Variants in HDAC9 observed in about 807,000 individuals in gnomAD.
HDAC9 encodes the protein histone deacetylase 9, also known as MEF-2 interacting transcription repressor (MITR) protein.
In HDAC9, 41 loss-of-function variants were observed where a neutral mutation model predicts 139.4. The ratio of observed to expected loss-of-function variants is 0.29; its 90% CI spans 0.23 to 0.38. The LOEUF (loss-of-function observed/expected upper bound fraction) is 0.38. Ranked by LOEUF, HDAC9 falls within the 10% of genes least tolerant of loss-of-function variation. The pLI is 1.00. For missense variants in HDAC9, 1,147 were observed against 1,297.0 expected, an observed-to-expected ratio of 0.88 and a Z score of 1.78; for synonymous variants, 517 against 476.2, an observed-to-expected ratio of 1.09 and a Z score of -1.12.
At chr7:18,741,057 C>T (rs1450526563) in intron 13 of HDAC9, among the ~76,000 whole-genome samples, 6 of 152,204 alleles carry the variant, frequency 3.9e-5, no homozygotes, top group Non-Finnish European at 5.9e-5. Flanking sequence ...GGAAAGAAGC[C>T]GTCTCTGTAA....
intron 1 of HDAC9, among the ~76,000 whole-genome samples, chr7:18,413,248 C>G (rs1370324437): frequency 6.6e-6 from 1 of 151,992 alleles, no homozygotes; most frequent in African/African-American, 2.4e-5. Flanking sequence ...AGAAGGAAGC[C>G]CAGACGTCTC....
intron 1 of HDAC9, among the ~76,000 whole-genome samples, chr7:18,462,353 C>T (rs139575005): frequency 1.8e-3 from 278 of 152,016 alleles, no homozygotes; most frequent in Non-Finnish European, 3.2e-3. Flanking sequence ...CATTATTACT[C>T]GATTATTTTT....
intron 1 of HDAC9, among the ~76,000 whole-genome samples, chr7:18,322,853 A>G (rs1800131903): frequency 6.6e-6 from 1 of 152,160 alleles, no homozygotes; most frequent in Non-Finnish European, 1.5e-5. Context: ...AATACCTCCA[A>G]TAAGCATATG....
intron 12 of HDAC9, among the ~76,000 whole-genome samples, chr7:18,714,968 A>G (rs985500005): frequency 2.0e-5 from 3 of 152,244 alleles, no homozygotes; most frequent in African/African-American, 7.2e-5. Flanking sequence ...GTTTTAAATT[A>G]TCAATGCCTT....
intron 2 of HDAC9, among the ~76,000 whole-genome samples, chr7:18,260,207 CT>C (rs762672427): frequency 2.6e-5 from 4 of 151,678 alleles, no homozygotes; most frequent in Non-Finnish European, 5.9e-5. Flanking sequence ...CAAAGCCTTG[CT>C]AGTCAAAGAT....
At chr7:18,134,254 T>C (rs1228522467) in intron 1 of HDAC9, among the ~76,000 whole-genome samples, 1 of 152,160 alleles carries the variant, frequency 6.6e-6, no homozygotes, top group African/African-American at 2.4e-5. Context: ...TAATGCCAAG[T>C]ATATACCTGC....
chr7:18,521,098 C>CT (rs542623843), intron 2 of HDAC9, among the ~76,000 whole-genome samples: 1 of 152,078 alleles, frequency 6.6e-6, no homozygotes, highest in Admixed American at 6.5e-5. Flanking sequence ...GAAAACCTTT[C>CT]TTTTTTGGCC....
At chr7:18,271,626 C>T (rs575371336) in intron 2 of HDAC9, among the ~76,000 whole-genome samples, 1 of 152,128 alleles carries the variant, frequency 6.6e-6, no homozygotes, top group East Asian at 1.9e-4. Flanking sequence ...TTTTTTCACC[C>T]GAATTCCTAC....
At chr7:18,974,064 T>A (rs1411052229) in intron 24 of HDAC9, among the ~76,000 whole-genome samples, 4 of 152,192 alleles carry the variant, frequency 2.6e-5, no homozygotes, top group African/African-American at 9.7e-5. Context: ...CACTCCAGAC[T>A]CTTCCTATGT....
intron 2 of HDAC9, among the ~76,000 whole-genome samples, chr7:18,177,037 A>C (rs1318556000): frequency 6.6e-6 from 1 of 152,212 alleles, no homozygotes; most frequent in Non-Finnish European, 1.5e-5. Context: ...AAGTATGTCA[A>C]AGTAGACATT....
At chr7:18,684,723 A>G (rs551947825) in intron 12 of HDAC9, among the ~76,000 whole-genome samples, 1 of 152,076 alleles carries the variant, frequency 6.6e-6, no homozygotes, top group East Asian at 1.9e-4. Context: ...CTACCCCAAG[A>G]GACAGTTGGT....
chr7:18,885,142 G>A (rs1800040273), intron 22 of HDAC9, among the ~76,000 whole-genome samples: 1 of 152,198 alleles, frequency 6.6e-6, no homozygotes, highest in African/African-American at 2.4e-5. Flanking sequence ...GGACTGCGGA[G>A]GGCAATGTGG....
chr7:18,337,795 C>G (rs895388636), intron 1 of HDAC9, among the ~76,000 whole-genome samples: 1 of 151,726 alleles, frequency 6.6e-6, no homozygotes, highest in African/African-American at 2.4e-5. Flanking sequence ...TTTTTAAAAC[C>G]AGCTATCTTT....
chr7:18,600,611 C>G (rs1214599645), intron 6 of HDAC9, among the ~76,000 whole-genome samples: 1 of 152,144 alleles, frequency 6.6e-6, no homozygotes, highest in African/African-American at 2.4e-5. Flanking sequence ...TTTCTGGGCT[C>G]TCTATTCTAC....
chr7:18,170,048 A>G (rs1406974220), intron 2 of HDAC9, among the ~76,000 whole-genome samples: 3 of 152,216 alleles, frequency 2.0e-5, no homozygotes, highest in African/African-American at 4.8e-5. Context: ...GTCTTCCACA[A>G]TGGTTGAACT....
intron 1 of HDAC9, among the ~76,000 whole-genome samples, chr7:18,397,385 T>C (rs959321522): frequency 3.3e-5 from 5 of 152,132 alleles, no homozygotes; most frequent in South Asian, 4.1e-4. Flanking sequence ...GAAAAACATG[T>C]CACAAAATCT....
intron 22 of HDAC9, among the ~76,000 whole-genome samples, chr7:18,875,260 G>A (rs1241640182): frequency 1.3e-5 from 2 of 151,942 alleles, no homozygotes; most frequent in African/African-American, 4.8e-5. Flanking sequence ...CTCTGAGTGG[G>A]AAAAAAGGTA....
At chr7:18,391,241 C>T (rs1160264559) in intron 1 of HDAC9, among the ~76,000 whole-genome samples, 2 of 151,552 alleles carry the variant, frequency 1.3e-5, no homozygotes, top group Admixed American at 6.6e-5. Context: ...AAAAATTATC[C>T]GGGCATGGTG....
chr7:18,676,562 C>T (rs73313328), intron 12 of HDAC9, among the ~76,000 whole-genome samples: 2,544 of 152,074 alleles, frequency 0.017, 67 homozygotes, highest in African/African-American at 0.057. Context: ...ATGGTGCTAT[C>T]AAATCCTTTT....
Sources: allele counts gnomAD v4.1 joint callset (sites outside exome capture counted in the v4.1 genomes callset), GRCh38; gene constraint gnomAD v4.1.1; transcripts MANE v1.5; gene names NCBI Gene and HGNC (gene_info 2026-07-23, HGNC 2026-07-21).